CDH12: variants seen among roughly 807,000 people sequenced by gnomAD.
CDH12 encodes cadherin-12.
In CDH12, 41 loss-of-function variants were observed where a neutral mutation model predicts 74.1. The ratio of observed to expected loss-of-function variants is 0.55; its 90% confidence interval spans 0.43 to 0.72. The LOEUF (loss-of-function observed/expected upper bound fraction) is 0.72. Ranked by LOEUF, CDH12 falls within the 30% of genes least tolerant of loss-of-function variation. The pLI is 0.00. For synonymous variants in CDH12, 399 were observed against 355.0 expected (o/e 1.12, Z -1.39); for missense variants, 945 against 977.2 (o/e 0.97, Z 0.44).
chr5:21,768,486 A>G (rs933558613), intron 11 of CDH12, among the ~76,000 whole-genome samples: 2 of 152,014 alleles, frequency 1.3e-5, no homozygotes, highest in Admixed American at 1.3e-4. Context: ...CTCATTATAA[A>G]TGAAATAGAA....
chr5:22,158,137 T>A (rs1748136125), intron 4 of CDH12, among the ~76,000 whole-genome samples: 1 of 152,070 alleles, frequency 6.6e-6, no homozygotes, highest in East Asian at 1.9e-4. Context: ...TTAGGATGAA[T>A]CTTCTTAGAC....
chr5:22,698,722 TATATATATATATA>T (rs1742541139), intron 1 of CDH12, among the ~76,000 whole-genome samples: 97 of 18,294 alleles, frequency 5.3e-3, no homozygotes, highest in East Asian at 9.7e-3. Context: ...TATATATATA[TATATATATATATA>T]GTGTGTGTGT....
chr5:22,632,603 A>G (rs1738643750), intron 1 of CDH12, among the ~76,000 whole-genome samples: 1 of 152,162 alleles, frequency 6.6e-6, no homozygotes. Context: ...TGAAGATAGG[A>G]CAGTTGAGAT....
chr5:21,820,287 T>C (rs1258580094), intron 8 of CDH12, among the ~76,000 whole-genome samples: 1 of 151,966 alleles, frequency 6.6e-6, no homozygotes. Flanking sequence ...TTAAGTTAAA[T>C]AGGGTGTTTT....
At chr5:22,470,651 T>C (rs533023111) in intron 2 of CDH12, among the ~76,000 whole-genome samples, 3 of 152,038 alleles carry the variant, frequency 2.0e-5, no homozygotes, top group Non-Finnish European at 4.4e-5. Context: ...GAACTCCCAG[T>C]GTCAAGTGCT....
At chr5:22,513,269 T>C (rs1580722340) in intron 1 of CDH12, among the ~76,000 whole-genome samples, 1 of 151,922 alleles carries the variant, frequency 6.6e-6, no homozygotes, top group African/African-American at 2.4e-5. Flanking sequence ...AAAGGGGATA[T>C]CTGCAGATGG....
At chr5:22,596,988 T>C (rs900567356) in intron 1 of CDH12, among the ~76,000 whole-genome samples, 1 of 152,206 alleles carries the variant, frequency 6.6e-6, no homozygotes, top group African/African-American at 2.4e-5. Flanking sequence ...CCTCTATTTT[T>C]ACCAATTTCA....
chr5:22,771,310 T>A (rs1561019370), intron 1 of CDH12, among the ~76,000 whole-genome samples: 1 of 152,156 alleles, frequency 6.6e-6, no homozygotes, highest in Non-Finnish European at 1.5e-5. Context: ...ATTTGCTGAA[T>A]GTATTCTTAG....
chr5:22,727,985 T>C (rs1299180239), intron 1 of CDH12, among the ~76,000 whole-genome samples: 1 of 151,848 alleles, frequency 6.6e-6, no homozygotes. Flanking sequence ...TGCCTCCATT[T>C]CTAATAAATT....
chr5:22,348,126 G>A lies in CDH12; in HGVS notation c.-333+57131C>T, dbSNP rs1018096558. Among the ~76,000 whole-genome samples, 4 of 152,092 alleles carry A rather than the reference G, an allele frequency of 2.6e-5. No homozygotes were observed. The South Asian group carries it at 6.2e-4, about 24-fold the overall frequency. ...CAGTGTAGTCTAGTCTGGCACTAAC[G>A]TTACAGGCAGCAGCGACCACCACAG... On this transcript the variant is annotated intron_variant, in intron 3 of 14. Coordinates refer to ENST00000382254, the MANE Select transcript of CDH12 (RefSeq NM_004061.5).
chr5:21,921,965 C>G (rs1754372970), intron 6 of CDH12, among the ~76,000 whole-genome samples: 1 of 152,128 alleles, frequency 6.6e-6, no homozygotes, highest in Admixed American at 6.6e-5. Flanking sequence ...ACATAAAAAT[C>G]CACACATCTT....
chr5:22,049,713 C>A (rs941782433), intron 5 of CDH12, among the ~76,000 whole-genome samples: 117 of 152,080 alleles, frequency 7.7e-4, no homozygotes, highest in African/African-American at 2.7e-3. Context: ...GACTTCTTAG[C>A]TAAAACCAGT....
intron 1 of CDH12, among the ~76,000 whole-genome samples, chr5:22,577,236 C>A (rs924916835): frequency 6.6e-6 from 1 of 152,154 alleles, no homozygotes; most frequent in Non-Finnish European, 1.5e-5. Context: ...AAGCATAGAG[C>A]ATGCAAAGTG....
chr5:22,221,316 A>G (rs1001914404), intron 3 of CDH12, among the ~76,000 whole-genome samples: 21 of 151,938 alleles, frequency 1.4e-4, no homozygotes, highest in African/African-American at 4.6e-4. Context: ...TTCTTGGCCA[A>G]TGTGGTTCGT....
chr5:21,987,214 G>A (rs540537132), intron 5 of CDH12, among the ~76,000 whole-genome samples: 7 of 151,748 alleles, frequency 4.6e-5, no homozygotes, highest in South Asian at 2.1e-4. Context: ...AATCAATTAC[G>A]ATAAGATAAA....
At chr5:22,143,047 A>G (rs1440449194) in intron 4 of CDH12, 2 of 173,992 alleles carry the variant, frequency 1.1e-5, no homozygotes, top group East Asian at 3.0e-4. Flanking sequence ...TAGCGTTAAG[A>G]TAGATCAGTA....
intron 3 of CDH12, among the ~76,000 whole-genome samples, chr5:22,328,211 C>T (rs1739204372): frequency 6.6e-6 from 1 of 152,164 alleles, no homozygotes; most frequent in African/African-American, 2.4e-5. Flanking sequence ...CTTACTAAAT[C>T]AGTTTTTTAA....
intron 3 of CDH12, among the ~76,000 whole-genome samples, chr5:22,273,970 C>A (rs969286246): frequency 6.6e-6 from 1 of 151,996 alleles, no homozygotes; most frequent in African/African-American, 2.4e-5. Context: ...TACCTTGGAC[C>A]TTTTTAAAGT....
At chr5:22,696,479 GT>G (rs1339786781) in intron 1 of CDH12, among the ~76,000 whole-genome samples, 1 of 150,940 alleles carries the variant, frequency 6.6e-6, no homozygotes, top group African/African-American at 2.4e-5. Context: ...TTCAATTTTT[GT>G]AAGGAATGGA....
Sources: gnomAD v4.1 joint callset for allele counts (sites outside exome capture counted in the v4.1 genomes callset) on GRCh38, gnomAD v4.1.1 for gene constraint, MANE v1.5 for transcripts, NCBI Gene and HGNC (gene_info 2026-07-23, HGNC 2026-07-21) for gene names.